Variants in APOOL observed in about 807,000 individuals in gnomAD.
The protein encoded by APOOL is apolipoprotein O like, also known as MICOS complex subunit MIC27.
In APOOL, 12 loss-of-function variants were observed where a neutral mutation model predicts 23.1. The ratio of observed to expected loss-of-function variants is 0.52; its 90% CI spans 0.33 to 0.84. The LOEUF is 0.84. Among genes scored for constraint, APOOL ranks in the 40% least tolerant of loss-of-function variants. The probability of loss-of-function intolerance (pLI) is 0.02; values close to 1 mark genes in which losing one functional copy is unlikely to be tolerated. For synonymous variants in APOOL, 77 were observed against 69.9 expected, an observed-to-expected ratio of 1.10 and a Z score of -0.51; for missense variants, 212 against 199.6, an observed-to-expected ratio of 1.06 and a Z score of -0.37.
At chrX:85,059,596 C>T (rs752389165) in intron 5 of APOOL, among the ~76,000 whole-genome samples, 90 of 107,323 alleles carry the variant, frequency 8.4e-4, no homozygotes, top group African/African-American at 2.6e-3. Context: ...GGTATCTCAT[C>T]GTGGTTTTGA....
intron 1 of APOOL, among the ~76,000 whole-genome samples, chrX:85,026,545 GT>G (rs779635313): frequency 1.8e-5 from 2 of 112,887 alleles, no homozygotes; most frequent in South Asian, 7.3e-4. Flanking sequence ...TCTGCCTTCT[GT>G]TTAAATGTAA....
At chrX:85,083,886 T>A (rs1197876515) in intron 8 of APOOL, among the ~76,000 whole-genome samples, 1 of 111,617 alleles carries the variant, frequency 9.0e-6, no homozygotes, top group Admixed American at 9.6e-5. Flanking sequence ...ATTTCTTTCC[T>A]ATTTGTAATA....
At position 85,089,901 on chromosome X, in the gene APOOL, T is replaced by G. The variant is rs1924474726; in HGVS notation, c.*2223T>G. Reference sequence around the variant, plus strand: ...ACTGTCAATCTTGCTGTCTCTCATTTCAGAATATGTTCTGCTTGCAGGTGA... The same window carrying G: ...ACTGTCAATCTTGCTGTCTCTCATTGCAGAATATGTTCTGCTTGCAGGTGA... On this transcript the variant is annotated 3_prime_UTR_variant, in exon 9 of 9. Transcript: ENST00000373173. 1 of 108,645 alleles carries G rather than the reference T, an allele frequency of 9.2e-6. No individual in the cohort carries two copies. Among genetic ancestry groups the G allele is most frequent in the Admixed American group, 1.0e-4 (1 of 10,004 alleles). 9.0% of individuals were successfully genotyped at this position (108,645 alleles called of 1,213,427 possible). A position where few individuals can be genotyped will look rare whatever the true frequency, so the allele number is the denominator to read the frequency against.
At chrX:85,014,552 C>T (rs778038386) in intron 1 of APOOL, among the ~76,000 whole-genome samples, 86 of 60,816 alleles carry the variant, frequency 1.4e-3, no homozygotes, top group South Asian at 4.6e-3. Flanking sequence ...TGTCTGAAAA[C>T]GACTTTATCT....
chrX:85,042,987 C>T, intron 1 of APOOL, among the ~76,000 whole-genome samples: 1 of 111,825 alleles, frequency 8.9e-6, no homozygotes, highest in East Asian at 2.8e-4. Flanking sequence ...TCAGTATTCA[C>T]AGCTACTTTA....
intron 1 of APOOL, among the ~76,000 whole-genome samples, chrX:85,019,472 A>C (rs1921586140): frequency 8.9e-6 from 1 of 112,174 alleles, no homozygotes; most frequent in African/African-American, 3.2e-5. Context: ...CCAGAACTGT[A>C]AGCAATACAT....
chrX:85,060,812 C>T (rs950849644), intron 5 of APOOL, among the ~76,000 whole-genome samples: 2 of 111,595 alleles, frequency 1.8e-5, no homozygotes, highest in African/African-American at 6.5e-5. Context: ...GATATACAAT[C>T]ATGTCATCTG....
chrX:85,031,914 T>G (rs1337898945), intron 1 of APOOL, among the ~76,000 whole-genome samples: 1 of 112,070 alleles, frequency 8.9e-6, no homozygotes, highest in Non-Finnish European at 1.9e-5. Flanking sequence ...AAATCATCTT[T>G]TATTGGAGTG....
intron 8 of APOOL, among the ~76,000 whole-genome samples, chrX:85,087,320 T>C (rs1377434147): frequency 6.3e-5 from 7 of 111,314 alleles, no homozygotes; most frequent in Non-Finnish European, 1.1e-4. Context: ...TCGGCTCATG[T>C]ATCACCTTTC....
chrX:85,059,397 A>C (rs1923101970), intron 5 of APOOL, among the ~76,000 whole-genome samples: 1 of 110,185 alleles, frequency 9.1e-6, no homozygotes, highest in Non-Finnish European at 1.9e-5. Context: ...ATACCCAGTA[A>C]TGGGATGGCT....
chrX:85,087,139 A>G (rs768951724), intron 8 of APOOL, among the ~76,000 whole-genome samples: 44 of 110,656 alleles, frequency 4.0e-4, no homozygotes, highest in African/African-American at 1.3e-3. Context: ...CACATCTCCT[A>G]TCATCTCACT....
intron 1 of APOOL, among the ~76,000 whole-genome samples, chrX:85,030,121 A>G (rs1921986846): frequency 8.9e-6 from 1 of 112,124 alleles, no homozygotes; most frequent in Non-Finnish European, 1.9e-5. Context: ...CCCATCAACC[A>G]ATGAATAGAT....
At chrX:85,082,203 C>G (rs1424074124) in intron 8 of APOOL, among the ~76,000 whole-genome samples, 1 of 111,899 alleles carries the variant, frequency 8.9e-6, no homozygotes, top group Non-Finnish European at 1.9e-5. Context: ...ATTTTCTACT[C>G]TGGTTTCTCC....
intron 6 of APOOL, among the ~76,000 whole-genome samples, chrX:85,068,206 G>A (rs1923533834): frequency 9.0e-6 from 1 of 110,593 alleles, no homozygotes; most frequent in Non-Finnish European, 1.9e-5. Flanking sequence ...TTAATAAAAT[G>A]CTAGTATTGA....
intron 8 of APOOL, among the ~76,000 whole-genome samples, chrX:85,077,224 G>A (rs140978746): frequency 9.7e-4 from 103 of 106,163 alleles, no homozygotes; most frequent in African/African-American, 8.9e-4. Context: ...CATCATTTAC[G>A]TGAGGTATTT....
intron 6 of APOOL, among the ~76,000 whole-genome samples, chrX:85,071,937 AC>A (rs1923678141): frequency 9.0e-6 from 1 of 111,515 alleles, no homozygotes; most frequent in Non-Finnish European, 1.9e-5. Context: ...TACTAAAAAT[AC>A]AAAAAATTAG....
At chrX:85,042,005 G>A (rs1922414984) in intron 1 of APOOL, among the ~76,000 whole-genome samples, 1 of 111,086 alleles carries the variant, frequency 9.0e-6, no homozygotes, top group Admixed American at 9.6e-5. Flanking sequence ...AGCATACACT[G>A]GCTGCTTCTA....
At chrX:85,047,783 T>G (rs1162080413) in intron 2 of APOOL, among the ~76,000 whole-genome samples, 1 of 111,509 alleles carries the variant, frequency 9.0e-6, no homozygotes, top group African/African-American at 3.2e-5. Context: ...TCTTCCCGCT[T>G]TAAGTCAACC....
chrX:85,081,366 A>G (rs1179016672), intron 8 of APOOL, among the ~76,000 whole-genome samples: 2 of 111,405 alleles, frequency 1.8e-5, no homozygotes, highest in Non-Finnish European at 3.8e-5. Context: ...TTGGCTGGAT[A>G]TGAAATTCTG....
Sources: allele counts gnomAD v4.1 joint callset (sites outside exome capture counted in the v4.1 genomes callset), GRCh38; gene constraint gnomAD v4.1.1; transcripts MANE v1.5; gene names NCBI Gene and HGNC (gene_info 2026-07-23, HGNC 2026-07-21).